Variants in TGFB2 observed in about 807,000 individuals in gnomAD.
TGFB2 encodes the protein transforming growth factor beta-2 proprotein.
A neutral mutation model predicts 42.7 loss-of-function variants in TGFB2; 13 were observed. The observed-to-expected ratio is 0.30, with a 90% CI of 0.20 to 0.48. The LOEUF (loss-of-function observed/expected upper bound fraction) is 0.48. TGFB2 is among the 20% of genes least tolerant of loss of function. TGFB2 has a pLI of 0.99. For synonymous variants in TGFB2, 193 were observed against 193.6 expected, an observed-to-expected ratio of 1.00 and a Z score of 0.03; for missense variants, 390 against 517.5, an observed-to-expected ratio of 0.75 and a Z score of 2.39.
intron 2 of TGFB2, among the ~76,000 whole-genome samples, chr1:218,430,059 A>C (rs1426629115): frequency 2.0e-5 from 3 of 152,144 alleles, no homozygotes; most frequent in African/African-American, 7.2e-5. Flanking sequence ...TGGCCAGTTA[A>C]GGGGAGGCCA....
At chr1:218,349,567 T>G (rs1046561065) in intron 1 of TGFB2, among the ~76,000 whole-genome samples, 4 of 152,190 alleles carry the variant, frequency 2.6e-5, no homozygotes, top group Admixed American at 1.3e-4. Flanking sequence ...TGGTTCATTT[T>G]TTACCATCAA....
chr1:218,431,720 G>A (rs1057456498), intron 2 of TGFB2, among the ~76,000 whole-genome samples: 8 of 152,204 alleles, frequency 5.3e-5, no homozygotes, highest in Non-Finnish European at 5.9e-5. Context: ...GAGACAAAAC[G>A]ATGAGTTCTG....
At chr1:218,350,397 G>T (rs1656833461) in intron 1 of TGFB2, among the ~76,000 whole-genome samples, 1 of 152,116 alleles carries the variant, frequency 6.6e-6, no homozygotes, top group South Asian at 2.1e-4. Context: ...CCGGTATTTA[G>T]TGGGTCAGCC....
At chr1:218,380,454 G>A (rs938586856) in intron 1 of TGFB2, among the ~76,000 whole-genome samples, 4 of 149,542 alleles carry the variant, frequency 2.7e-5, no homozygotes, top group Non-Finnish European at 5.9e-5. Flanking sequence ...TAGATGGCCT[G>A]TTTTTTTTTT....
At chr1:218,357,536 C>T (rs1267994118) in intron 1 of TGFB2, among the ~76,000 whole-genome samples, 2 of 152,186 alleles carry the variant, frequency 1.3e-5, no homozygotes, top group African/African-American at 2.4e-5. Flanking sequence ...CTCCCTGGGC[C>T]GGGACCATCC....
At chr1:218,402,720 T>C (rs999083508) in intron 1 of TGFB2, among the ~76,000 whole-genome samples, 7 of 152,194 alleles carry the variant, frequency 4.6e-5, no homozygotes, top group African/African-American at 9.7e-5. Context: ...GAAAATTGAA[T>C]GAGATGTTTA....
rs1660251901 is a variant in TGFB2, at chr1:218,444,308, T to C, written c.*2946T>C. 1 of 152,328 alleles carries C rather than the reference T, an allele frequency of 6.6e-6. No homozygotes were observed. Among genetic ancestry groups the C allele is most frequent in the African/African-American group, 2.4e-5 (1 of 41,578 alleles). 9.4% of individuals were successfully genotyped at this position (152,328 alleles called of 1,614,324 possible). On this transcript the variant is annotated 3_prime_UTR_variant, in exon 7 of 7. Coordinates refer to ENST00000366930, the MANE Select transcript of TGFB2 (RefSeq NM_003238.6). ...ATGCAGAGAGATGTTTGCACCATGC[T>C]TTGGCTTTCTGGTTCTATGTTCTGC...
intron 1 of TGFB2, among the ~76,000 whole-genome samples, chr1:218,365,664 A>ATTTTTT (rs146829350): frequency 1.4e-5 from 2 of 141,808 alleles, no homozygotes; most frequent in African/African-American, 5.1e-5. Context: ...GGGGCTCTGC[A>ATTTTTT]TTTTTTTTTT....
chr1:218,411,864 C>CA (rs34140547), intron 2 of TGFB2, among the ~76,000 whole-genome samples: 10,091 of 88,596 alleles, frequency 0.11, 399 homozygotes, highest in East Asian at 0.23. Context: ...AATTCAGTCT[C>CA]AAAAAAAAAA....
At chr1:218,351,730 C>G (rs1656873654) in intron 1 of TGFB2, among the ~76,000 whole-genome samples, 1 of 152,120 alleles carries the variant, frequency 6.6e-6, no homozygotes, top group African/African-American at 2.4e-5. Context: ...GAGCCCACTG[C>G]GTCTCCACAG....
At chr1:218,390,665 T>G (rs1405077539) in intron 1 of TGFB2, among the ~76,000 whole-genome samples, 1 of 152,230 alleles carries the variant, frequency 6.6e-6, no homozygotes, top group Non-Finnish European at 1.5e-5. Context: ...ATTTAAAGGC[T>G]GTTTTTCTTC....
chr1:218,437,879 G>T (rs538095461), intron 6 of TGFB2, among the ~76,000 whole-genome samples: 163 of 152,036 alleles, frequency 1.1e-3, no homozygotes, highest in African/African-American at 3.6e-3. Flanking sequence ...ATATATTAAT[G>T]AGGTACATGT....
intron 1 of TGFB2, among the ~76,000 whole-genome samples, chr1:218,364,959 T>G (rs1009143624): frequency 6.6e-6 from 1 of 152,214 alleles, no homozygotes; most frequent in Non-Finnish European, 1.5e-5. Context: ...TCCCCCTAGC[T>G]AACTGGCTAT....
chr1:218,396,944 T>A (rs1034900286), intron 1 of TGFB2, among the ~76,000 whole-genome samples: 4 of 152,200 alleles, frequency 2.6e-5, no homozygotes, highest in Non-Finnish European at 5.9e-5. Flanking sequence ...GTCTTACTCT[T>A]TTTTTCTAGG....
At position 218,405,050 on chromosome 1, in the gene TGFB2, G is replaced by A. The variant is rs540562280; in HGVS notation, c.347-119G>A. ...CATTGTTAATGGTATTAAACTGGCC[G>A]TTGGAAACTATTCTGTAGATATTTC... On this transcript the variant is annotated intron_variant, in intron 1 of 6. Coordinates refer to ENST00000366930, the MANE Select transcript of TGFB2 (RefSeq NM_003238.6). 70 of 1,151,716 alleles carry A rather than the reference G, an allele frequency of 6.1e-5. 1 individual carries two copies. Among genetic ancestry groups the A allele is most frequent in the East Asian group, 2.4e-4 (10 of 41,978 alleles). 71.3% of individuals were successfully genotyped at this position (1,151,716 alleles called of 1,614,324 possible).
In TGFB2 at chr1:218,442,001, G is replaced by A. The variant is rs1467403014; in HGVS notation, c.*639G>A. ...ATATTAATGGGATGAAAACCCAAGT[G>A]AGTTATTATATGACCGAGAAAGTCT... On this transcript the variant is annotated 3_prime_UTR_variant, in exon 7 of 7. Transcript: ENST00000366930. The A allele has an allele frequency of 1.3e-5, 2 of 152,166 alleles. No individual in the cohort carries two copies. Among genetic ancestry groups the A allele is most frequent in the Admixed American group, 6.5e-5 (1 of 15,274 alleles). The allele number at this position is 152,166 out of a possible 1,614,324, so 9.4% of individuals were successfully genotyped here. A position where few individuals can be genotyped will look rare whatever the true frequency, so the allele number is the denominator to read the frequency against.
At chr1:218,379,287 C>T (rs773496291) in intron 1 of TGFB2, among the ~76,000 whole-genome samples, 4 of 151,732 alleles carry the variant, frequency 2.6e-5, no homozygotes, top group Non-Finnish European at 2.9e-5. Context: ...CGCCCGCCAC[C>T]ACACCTGGCT....
At chr1:218,399,906 C>T (rs560074611) in intron 1 of TGFB2, among the ~76,000 whole-genome samples, 9 of 152,164 alleles carry the variant, frequency 5.9e-5, no homozygotes, top group Admixed American at 3.3e-4. Context: ...CTAGACCCAG[C>T]GCTCCAACTT....
chr1:218,434,136 G>A lies in TGFB2; in HGVS notation c.565G>A (p.Val189Ile). 6.2e-7 allele frequency: 1 copy of A among 1,614,200 alleles called. No homozygotes were observed. The highest frequency in any genetic ancestry group is 8.5e-7 in the Non-Finnish European group (1 of 1,180,030). The change falls in exon 3 of 7, where the codon GTT (valine) becomes ATT (isoleucine). Residue 189 changes from valine to isoleucine, a missense_variant. By Grantham distance (29) the Val-to-Ile change is conservative (BLOSUM62 3). Coordinates refer to ENST00000366930, the MANE Select transcript of TGFB2 (RefSeq NM_003238.6). ...SPTQRYIDSKVVKTRAEGEWL... is the reference protein window; with the variant it reads ...SPTQRYIDSKIVKTRAEGEWL... ...AACCCAGCGCTACATCGACAGCAAA[G>A]TTGTGAAAACAAGAGCAGAAGGCGA... is the stretch of plus-strand genomic sequence containing the variant.
Sources: allele counts gnomAD v4.1 joint callset (sites outside exome capture counted in the v4.1 genomes callset), GRCh38; gene constraint gnomAD v4.1.1; transcripts MANE v1.5; gene names NCBI Gene and HGNC (gene_info 2026-07-23, HGNC 2026-07-21).